Variants in DNAJC9 observed in about 807,000 individuals in gnomAD.
DNAJC9 encodes the protein dnaJ homolog subfamily C member 9.
In DNAJC9, 18 loss-of-function variants were observed where a neutral mutation model predicts 32.4. That is an observed-to-expected ratio of 0.56 (90% CI 0.38 to 0.82). The LOEUF (loss-of-function observed/expected upper bound fraction) is 0.82, where lower values mean the gene tolerates loss of function less well. Ranked by LOEUF, DNAJC9 falls within the 40% of genes least tolerant of loss-of-function variation. The probability of loss-of-function intolerance (pLI) is 0.00; values close to 1 mark genes in which losing one functional copy is unlikely to be tolerated. For missense variants in DNAJC9, 310 were observed against 321.8 expected (o/e 0.96, Z 0.28); for synonymous variants, 113 against 122.1 (o/e 0.93, Z 0.49).
downstream of DNAJC9, among the ~76,000 whole-genome samples, chr10:73,238,431 A>C (rs1314803551): frequency 1.3e-5 from 2 of 152,222 alleles, no homozygotes; most frequent in Non-Finnish European, 2.9e-5. Flanking sequence ...CATCTAGAAT[A>C]GGGGCCAGTA....
Position 73,242,161 on chromosome 10 carries a change from T to C in DNAJC9, c.*1239A>G, listed in dbSNP as rs1214797289. On this transcript the variant is annotated 3_prime_UTR_variant, in exon 5 of 5. Coordinates refer to ENST00000372950, the MANE Select transcript of DNAJC9 (RefSeq NM_015190.5). The stretch of plus-strand genomic sequence containing the variant: ...GCATTAAATTATATTTTTAATAAAA[T>C]TAAAATCTATTTTTAACCTATTTGT... 1 of 152,188 alleles carries C rather than the reference T, an allele frequency of 6.6e-6. No homozygotes were observed. The highest frequency in any genetic ancestry group is 1.5e-5 in the Non-Finnish European group (1 of 68,032). The allele number at this position is 152,188 out of a possible 1,614,324, so 9.4% of individuals were successfully genotyped here.
chr10:73,245,604 C>T (rs560119604), intron 3 of DNAJC9, among the ~76,000 whole-genome samples: 12 of 152,296 alleles, frequency 7.9e-5, no homozygotes, highest in African/African-American at 2.6e-4. Flanking sequence ...CCTGTGTACC[C>T]GGGTTCCACT....
At chr10:73,236,008 C>CCTGGGGAAGTA (rs1169293430), downstream of DNAJC9, among the ~76,000 whole-genome samples, 14 of 152,164 alleles carry the variant, frequency 9.2e-5, no homozygotes, top group Non-Finnish European at 1.5e-4. Context: ...GTGGCAAGAG[C>CCTGGGGAAGTA]ACTTGGAGAG....
At chr10:73,241,181 C>A, downstream of DNAJC9, 2 of 591,014 alleles carry the variant, frequency 3.4e-6, no homozygotes, top group Admixed American at 2.6e-5. Flanking sequence ...ACCATAGCAG[C>A]CAAAAATGAC....
In DNAJC9 at chr10:73,243,294, C is replaced by T. The variant is rs1478473128; in HGVS notation, c.*106G>A. On this transcript the variant is annotated 3_prime_UTR_variant, in exon 5 of 5. Transcript: ENST00000372950. The stretch of plus-strand genomic sequence containing the variant: ...ATCTGAAAAATTCAGGCTGGAAAGA[C>T]ACCTTTTCTCAAGAGCTGAATTGAC... 3 of 1,297,428 alleles carry T rather than the reference C, an allele frequency of 2.3e-6. No homozygotes were observed. Among genetic ancestry groups the T allele is most frequent in the Non-Finnish European group, 3.2e-6 (3 of 932,474 alleles). 80.4% of individuals were successfully genotyped at this position (1,297,428 alleles called of 1,614,324 possible).
chr10:73,234,654 AT>A, downstream of DNAJC9: 2 of 750,800 alleles, frequency 2.7e-6, no homozygotes, highest in Non-Finnish European at 4.2e-6. Flanking sequence ...TTAAAAACTA[AT>A]TTTCCAAAAA....
downstream of DNAJC9, among the ~76,000 whole-genome samples, chr10:73,238,476 G>A (rs181928396): frequency 2.2e-3 from 339 of 152,314 alleles, 3 homozygotes; most frequent in African/African-American, 7.6e-3. Flanking sequence ...TTGGCCTACC[G>A]CCTTGTTTTG....
chr10:73,244,597 TG>T (rs1379212659), intron 3 of DNAJC9: 3 of 150,072 alleles, frequency 2.0e-5, no homozygotes, highest in South Asian at 4.2e-4. Context: ...ATGGGACTGG[TG>T]GTGCCTTGTG....
chr10:73,245,256 G>A (rs777282563), intron 3 of DNAJC9, among the ~76,000 whole-genome samples: 2 of 151,954 alleles, frequency 1.3e-5, no homozygotes, highest in Non-Finnish European at 2.9e-5. Context: ...AGTTCCTGAG[G>A]GCACTCAGGA....
chr10:73,240,962 G>T, downstream of DNAJC9: 1 of 1,542,352 alleles, frequency 6.5e-7, no homozygotes, highest in African/African-American at 1.4e-5. Flanking sequence ...AGTTACATGG[G>T]TCTACAAAAT....
chr10:73,232,741 G>A (rs1030675002), intron 2 of DNAJC9, among the ~76,000 whole-genome samples: 4 of 152,180 alleles, frequency 2.6e-5, no homozygotes, highest in African/African-American at 9.7e-5. Flanking sequence ...TTGAAATAAT[G>A]TCCCACTTTT....
chr10:73,235,587 C>T (rs898026181), downstream of DNAJC9: 3 of 539,070 alleles, frequency 5.6e-6, no homozygotes, highest in African/African-American at 5.8e-5. Flanking sequence ...AATATTAAAT[C>T]CCAGTACACA....
chr10:73,232,337 T>C (rs2043726117), intron 2 of DNAJC9, among the ~76,000 whole-genome samples: 2 of 152,194 alleles, frequency 1.3e-5, no homozygotes, highest in African/African-American at 4.8e-5. Flanking sequence ...CAGTTATTTA[T>C]GCAAATAGGG....
chr10:73,238,461 C>T (rs2043872021), downstream of DNAJC9, among the ~76,000 whole-genome samples: 1 of 152,260 alleles, frequency 6.6e-6, no homozygotes, highest in Non-Finnish European at 1.5e-5. Flanking sequence ...TCCTGGGCTA[C>T]TCACTTGGCC....
At chr10:73,245,856 T>C (rs2044000534) in intron 3 of DNAJC9, 66 bp downstream of exon 3, 4 of 1,575,136 alleles carry the variant, frequency 2.5e-6, no homozygotes, top group African/African-American at 1.4e-5. Context: ...CTTCTACTGC[T>C]GTAAATACTC....
At chr10:73,239,906 CAAA>C (rs1200680058), downstream of DNAJC9, among the ~76,000 whole-genome samples, 2 of 152,114 alleles carry the variant, frequency 1.3e-5, no homozygotes, top group Admixed American at 6.5e-5. Context: ...GATGTACTAA[CAAA>C]GAAGTGATGG....
In DNAJC9 at chr10:73,233,029, A is replaced by G. The variant is rs1388427483; in HGVS notation, n.147+10814T>C. ...CAAATCGAGCTGTGGAGTTTAGTAC[A>G]TCATCTCTGTCATACACAGTGCAGT... On this transcript the variant is annotated intron_variant and non_coding_transcript_variant, in intron 2 of 2. Transcript: ENST00000469143. The G allele has an allele frequency of 1.3e-6, 2 of 1,551,770 alleles. No homozygotes were observed. The highest frequency in any genetic ancestry group is 1.7e-6 in the Non-Finnish European group (2 of 1,146,908).
chr10:73,247,013 G>A lies in DNAJC9; in HGVS notation c.177C>T (p.Phe59=), dbSNP rs1239977917. 6.6e-7 allele frequency: 1 copy of A among 1,524,534 alleles called. No individual in the cohort carries two copies. Among genetic ancestry groups the A allele is most frequent in the Admixed American group, 1.9e-5 (1 of 51,832 alleles). 94.4% of individuals were successfully genotyped at this position (1,524,534 alleles called of 1,614,324 possible). The change falls in exon 1 of 5, where the codon TTC becomes TTT. Residue 59 remains phenylalanine (F), a synonymous_variant. Coordinates refer to ENST00000372950, the MANE Select transcript of DNAJC9 (RefSeq NM_015190.5). ...EGDKEDATRR[F]QILGKVYSVL... ...TTCGGGGCGGGACCCTGCATACCTGGAAGCGGCGGGTGGCGTCCTCCTTGT... is the reference window on the plus strand; with the variant it reads ...TTCGGGGCGGGACCCTGCATACCTGAAAGCGGCGGGTGGCGTCCTCCTTGT...
downstream of DNAJC9, among the ~76,000 whole-genome samples, chr10:73,233,850 G>C (rs1475609636): frequency 1.3e-5 from 2 of 152,126 alleles, no homozygotes; most frequent in Non-Finnish European, 2.9e-5. Context: ...TCCCCTTTAA[G>C]GTTCTTCTGT....
Sources: gnomAD v4.1 joint callset for allele counts (sites outside exome capture counted in the v4.1 genomes callset) on GRCh38, gnomAD v4.1.1 for gene constraint, MANE v1.5 for transcripts, NCBI Gene and HGNC (gene_info 2026-07-23, HGNC 2026-07-21) for gene names.